The following FANCA variants were observed in gnomAD, a reference collection of about 807,000 sequenced individuals.
FANCA encodes the protein FA complementation group A.
Under a neutral mutation model 194.3 loss-of-function variants are expected in FANCA, and 236 were observed. The observed-to-expected ratio is 1.21, with a 90% CI of 1.09 to 1.35. The LOEUF is 1.35. Among genes scored for constraint, FANCA ranks in the 40% most tolerant of loss-of-function variants. FANCA has a pLI of 0.00. For missense variants in FANCA, 2,628 were observed against 1,813.9 expected (o/e 1.45, Z -8.15); for synonymous variants, 1,014 against 715.8 (o/e 1.42, Z -6.65).
chr16:89,780,413 A>C (rs1256686259), intron 17 of FANCA, among the ~76,000 whole-genome samples: 1 of 152,196 alleles, frequency 6.6e-6, no homozygotes, highest in Admixed American at 6.5e-5. Context: ...CTTAAGCCCA[A>C]GGAGTTCAAG....
chr16:89,759,611 A>C (rs758140833), intron 29 of FANCA, among the ~76,000 whole-genome samples: 5 of 151,938 alleles, frequency 3.3e-5, no homozygotes, highest in Non-Finnish European at 7.4e-5. Context: ...AAATAAAAAA[A>C]TTAGCTGGGC....
intron 3 of FANCA, among the ~76,000 whole-genome samples, chr16:89,812,345 C>A (rs1450097003): frequency 3.4e-5 from 5 of 148,196 alleles, no homozygotes; most frequent in Non-Finnish European, 6.0e-5. Context: ...CTCAAAAAAA[C>A]AAAACAAAAA....
chr16:89,782,847 A>C lies in FANCA; in HGVS notation c.1626+12T>G. The C allele has an allele frequency of 6.2e-7, 1 of 1,612,258 alleles. No individual in the cohort carries two copies. The highest frequency in any genetic ancestry group is 8.5e-7 in the Non-Finnish European group (1 of 1,178,270). On this transcript the variant is annotated intron_variant, in intron 17 of 42. Coordinates refer to ENST00000389301, the MANE Select transcript of FANCA (RefSeq NM_000135.4). The stretch of plus-strand genomic sequence containing the variant: ...GACTGGCTGAGACCCTGCAGGGCTC[A>C]AGCAACATTACCTCAGTAATGTCCC...
At chr16:89,808,987 G>A (rs1487346799) in intron 5 of FANCA, among the ~76,000 whole-genome samples, 1 of 151,672 alleles carries the variant, frequency 6.6e-6, no homozygotes, top group African/African-American at 2.4e-5. Flanking sequence ...GTCACTGTAA[G>A]CTCTGCCTCC....
chr16:89,747,033 G>A, intron 33 of FANCA, 143 bp from the exon 34 acceptor site: 1 of 815,750 alleles, frequency 1.2e-6, no homozygotes, highest in Non-Finnish European at 2.0e-6. Flanking sequence ...CTCCTGGGCT[G>A]ACCGGGCCTG....
At chr16:89,778,025 G>A (rs2039567865) in intron 20 of FANCA, among the ~76,000 whole-genome samples, 1 of 152,056 alleles carries the variant, frequency 6.6e-6, no homozygotes, top group African/African-American at 2.4e-5. Flanking sequence ...AGCCGGGCGT[G>A]GTGGTGCGCG....
chr16:89,805,597 A>C (rs940447937), intron 6 of FANCA, among the ~76,000 whole-genome samples: 36 of 152,032 alleles, frequency 2.4e-4, no homozygotes, highest in African/African-American at 8.5e-4. Flanking sequence ...TAGTTGGGAC[A>C]ACAGGCGCAT....
chr16:89,739,263 G>T lies in FANCA; in HGVS notation c.4037C>A (p.Ala1346Glu), dbSNP rs201886956. The T allele has an allele frequency of 6.2e-7, 1 of 1,614,146 alleles. No homozygotes were observed. Among genetic ancestry groups the T allele is most frequent in the Non-Finnish European group, 8.5e-7 (1 of 1,180,044 alleles). Residue 1346 changes from alanine to glutamate, a missense_variant, in exon 41 of 43, where the codon GCG (alanine) becomes GAG (glutamate). Transcript: ENST00000389301. ...YSLLSYFHED[A>E]AIREEAFLHV... ...CAGGAAGGCCTCTTCCCTGATGGCC[G>T]CGTCTTCATGGAAGTAGGAGAGAAG...
At chr16:89,808,431 T>C in intron 5 of FANCA, 64 bp from the exon 6 acceptor site, 1 of 1,506,736 alleles carries the variant, frequency 6.6e-7, no homozygotes, top group Non-Finnish European at 9.2e-7. Flanking sequence ...CTGAGTCCTT[T>C]ATGAATGCAT....
intron 5 of FANCA, among the ~76,000 whole-genome samples, chr16:89,809,273 C>A: frequency 6.6e-6 from 1 of 152,118 alleles, no homozygotes; most frequent in East Asian, 1.9e-4. Context: ...TATGCATGTC[C>A]AACATCTTCT....
chr16:89,764,565 C>T (rs2039059753), intron 28 of FANCA, among the ~76,000 whole-genome samples: 1 of 152,212 alleles, frequency 6.6e-6, no homozygotes, highest in Admixed American at 6.5e-5. Flanking sequence ...CTTGGCCTCC[C>T]ACAGTGCTGG....
intron 10 of FANCA, among the ~76,000 whole-genome samples, chr16:89,796,640 C>G (rs985364783): frequency 6.6e-6 from 1 of 152,224 alleles, no homozygotes; most frequent in African/African-American, 2.4e-5. Context: ...CAGGCCTATA[C>G]AGACCACCAA....
intron 5 of FANCA, among the ~76,000 whole-genome samples, chr16:89,810,256 G>A (rs1406679811): frequency 3.3e-5 from 5 of 151,468 alleles, no homozygotes; most frequent in South Asian, 4.2e-4. Flanking sequence ...CTGGGAGGTG[G>A]GGCTTGCAGT....
chr16:89,763,864 C>T (rs2039034855), intron 28 of FANCA, among the ~76,000 whole-genome samples: 1 of 150,592 alleles, frequency 6.6e-6, no homozygotes. Flanking sequence ...ACCAGAGAGG[C>T]AGAGGCTGCA....
chr16:89,755,934 C>G (rs984094395), intron 30 of FANCA, among the ~76,000 whole-genome samples: 5 of 151,622 alleles, frequency 3.3e-5, no homozygotes, highest in African/African-American at 9.7e-5. Context: ...AGAAACAGAC[C>G]AGAGCCCCCG....
At chr16:89,815,602 C>T (rs955838713) in intron 2 of FANCA, among the ~76,000 whole-genome samples, 2 of 152,122 alleles carry the variant, frequency 1.3e-5, no homozygotes, top group Non-Finnish European at 2.9e-5. Flanking sequence ...GTGATCCACC[C>T]GCCTTGGCCT....
At chr16:89,776,473 G>A (rs1023079494) in intron 20 of FANCA, among the ~76,000 whole-genome samples, 1 of 151,532 alleles carries the variant, frequency 6.6e-6, no homozygotes, top group Non-Finnish European at 1.5e-5. Flanking sequence ...AGCAAAACAT[G>A]AATCTTTGTT....
chr16:89,803,329 A>G lies in FANCA; in HGVS notation c.722T>C (p.Met241Thr). ...TTTCTGAAATCCCCTCAAAACAAAC[A>G]TTTGAACAAAATCTGAAAAACCATA... is the stretch of plus-strand genomic sequence containing the variant. The part of the protein sequence containing the change: ...ARAMLSDFVQ[M>T]FVLRGFQKNS... The change falls in exon 8 of 43, where the codon ATG (methionine) becomes ACG (threonine). Residue 241 changes from methionine (M) to threonine (T), a missense_variant. Coordinates refer to ENST00000389301, the MANE Select transcript of FANCA (RefSeq NM_000135.4). 1 of 1,614,080 alleles carries G rather than the reference A, an allele frequency of 6.2e-7. No individual in the cohort carries two copies. Among genetic ancestry groups the G allele is most frequent in the Non-Finnish European group, 8.5e-7 (1 of 1,179,972 alleles).
At chr16:89,798,787 C>G (rs1355236425) in intron 10 of FANCA, 1 of 1,421,660 alleles carries the variant, frequency 7.0e-7, no homozygotes, top group Non-Finnish European at 9.2e-7. Flanking sequence ...ACAGTGTGTT[C>G]TAGAAATGTG....
Sources: gnomAD v4.1 joint callset for allele counts (sites outside exome capture counted in the v4.1 genomes callset) on GRCh38, gnomAD v4.1.1 for gene constraint, MANE v1.5 for transcripts, NCBI Gene and HGNC (gene_info 2026-07-23, HGNC 2026-07-21) for gene names.